SGCZ: variants seen among roughly 807,000 people sequenced by gnomAD.
SGCZ encodes the protein sarcoglycan zeta.
A neutral mutation model predicts 41.3 loss-of-function variants in SGCZ; 40 were observed. The ratio of observed to expected loss-of-function variants is 0.97; its 90% CI spans 0.75 to 1.26. The LOEUF is 1.26. SGCZ is among the 50% of genes most tolerant of loss of function. The pLI, the probability that SGCZ is intolerant of heterozygous loss-of-function variation, is 0.00. For synonymous variants in SGCZ, 206 were observed against 137.5 expected (o/e 1.50, Z -3.49); for missense variants, 552 against 369.8 (o/e 1.49, Z -4.04).
intron 1 of SGCZ, among the ~76,000 whole-genome samples, chr8:15,138,002 G>C (rs1482635642): frequency 6.6e-6 from 1 of 152,162 alleles, no homozygotes; most frequent in Non-Finnish European, 1.5e-5. Context: ...AGCAGTCCCG[G>C]AGGGGGACTG....
At chr8:14,573,939 C>T (rs898631332) in intron 1 of SGCZ, among the ~76,000 whole-genome samples, 1 of 152,070 alleles carries the variant, frequency 6.6e-6, no homozygotes, top group African/African-American at 2.4e-5. Context: ...AACTAGATGT[C>T]CTTAAGGAAA....
intron 5 of SGCZ, among the ~76,000 whole-genome samples, chr8:14,109,774 A>G (rs778751513): frequency 6.6e-6 from 1 of 152,210 alleles, no homozygotes; most frequent in Non-Finnish European, 1.5e-5. Context: ...GATCATGAAT[A>G]GAACAGGAAG....
chr8:14,511,216 T>C (rs1485896360), intron 2 of SGCZ, among the ~76,000 whole-genome samples: 1 of 9,082 alleles, frequency 1.1e-4, no homozygotes, highest in Non-Finnish European at 2.0e-4. Context: ...CTTTCTGTCT[T>C]GGCAGTCCCT....
At chr8:14,803,119 T>C (rs1215894690) in intron 1 of SGCZ, among the ~76,000 whole-genome samples, 1 of 152,174 alleles carries the variant, frequency 6.6e-6, no homozygotes, top group Non-Finnish European at 1.5e-5. Context: ...CCATGACATA[T>C]ATGTTAAGGG....
chr8:14,580,175 T>C (rs537762456), intron 1 of SGCZ, among the ~76,000 whole-genome samples: 24 of 152,210 alleles, frequency 1.6e-4, no homozygotes, highest in African/African-American at 5.8e-4. Flanking sequence ...AAAAGGCAAA[T>C]GCAGCCTAAG....
At chr8:14,240,514 A>C (rs140728222) in intron 3 of SGCZ, among the ~76,000 whole-genome samples, 31 of 151,718 alleles carry the variant, frequency 2.0e-4, no homozygotes, top group African/African-American at 7.3e-4. Context: ...TTAAAATTTT[A>C]TATCTAGATT....
chr8:14,837,985 C>T (rs890082167), intron 1 of SGCZ, among the ~76,000 whole-genome samples: 2 of 151,980 alleles, frequency 1.3e-5, no homozygotes, highest in African/African-American at 4.8e-5. Flanking sequence ...GTTAGATATA[C>T]ACAATGTAAT....
At chr8:14,149,079 A>T (rs1300615881) in intron 5 of SGCZ, among the ~76,000 whole-genome samples, 1 of 152,134 alleles carries the variant, frequency 6.6e-6, no homozygotes, top group Admixed American at 6.5e-5. Context: ...AGCTAGTATC[A>T]TAGTGAGTGG....
intron 1 of SGCZ, among the ~76,000 whole-genome samples, chr8:14,575,133 A>T (rs1804668531): frequency 6.6e-6 from 1 of 152,264 alleles, no homozygotes; most frequent in African/African-American, 2.4e-5. Context: ...TGTGTTCATT[A>T]GTGAAGACTG....
chr8:14,662,020 T>C (rs1032294134), intron 1 of SGCZ, among the ~76,000 whole-genome samples: 1 of 152,170 alleles, frequency 6.6e-6, no homozygotes, highest in Non-Finnish European at 1.5e-5. Context: ...AAAGATTTGC[T>C]AAAATTAACC....
chr8:14,430,573 C>A (rs1259557378), intron 2 of SGCZ, among the ~76,000 whole-genome samples: 2 of 152,074 alleles, frequency 1.3e-5, no homozygotes, highest in South Asian at 2.1e-4. Context: ...GTATAACAAA[C>A]CCACGGCCAA....
chr8:14,701,928 A>T (rs1809150937), intron 1 of SGCZ, among the ~76,000 whole-genome samples: 1 of 151,888 alleles, frequency 6.6e-6, no homozygotes, highest in South Asian at 2.1e-4. Flanking sequence ...ACAAACTAAT[A>T]AACCTCCCTT....
At chr8:14,202,104 GA>G (rs553670505) in intron 4 of SGCZ, among the ~76,000 whole-genome samples, 225 of 152,220 alleles carry the variant, frequency 1.5e-3, no homozygotes, top group Middle Eastern at 6.8e-3. Context: ...AAAATAGGGA[GA>G]ATATGCTGGA....
chr8:14,468,852 A>T (rs915144080), intron 2 of SGCZ, among the ~76,000 whole-genome samples: 1 of 152,106 alleles, frequency 6.6e-6, no homozygotes, highest in African/African-American at 2.4e-5. Flanking sequence ...CAAGCTGCCC[A>T]TCATCTAACA....
At chr8:14,360,033 C>G (rs528536873) in intron 2 of SGCZ, among the ~76,000 whole-genome samples, 2 of 152,160 alleles carry the variant, frequency 1.3e-5, no homozygotes, top group South Asian at 4.1e-4. Context: ...TCAGTTAATG[C>G]TGAAAAAGCA....
At chr8:14,589,753 C>G (rs561870764) in intron 1 of SGCZ, among the ~76,000 whole-genome samples, 40 of 152,248 alleles carry the variant, frequency 2.6e-4, no homozygotes, top group Admixed American at 2.6e-4. Flanking sequence ...ACACACAGCA[C>G]AAACTATTCT....
Position 14,846,930 on chromosome 8 carries a change from G to A in SGCZ, c.40-292004C>T, listed in dbSNP as rs141132564. Among the ~76,000 whole-genome samples, 1,218 of 151,994 alleles carry A rather than the reference G, an allele frequency of 8.0e-3. 18 individuals are homozygous for A. The highest frequency in any genetic ancestry group is 0.028 in the African/African-American group (1,159 of 41,458). On this transcript the variant is annotated intron_variant, in intron 1 of 7. Transcript: ENST00000382080. Reference sequence around the variant, plus strand: ...ACTAAAATACAAAAGAAATTAGCTGGGCGTGGTGGCACATGCCTGTAATCC... The same window carrying A: ...ACTAAAATACAAAAGAAATTAGCTGAGCGTGGTGGCACATGCCTGTAATCC...
At chr8:15,035,634 G>C (rs1803848167) in intron 1 of SGCZ, among the ~76,000 whole-genome samples, 1 of 151,968 alleles carries the variant, frequency 6.6e-6, no homozygotes, top group African/African-American at 2.4e-5. Context: ...ACAGACTAAA[G>C]TAAAGGCTGA....
chr8:14,576,852 G>T (rs1251806575), intron 1 of SGCZ, among the ~76,000 whole-genome samples: 1 of 152,200 alleles, frequency 6.6e-6, no homozygotes, highest in Non-Finnish European at 1.5e-5. Context: ...TTATAAGAGA[G>T]AATTGCAGTC....
Sources: allele counts gnomAD v4.1 joint callset (sites outside exome capture counted in the v4.1 genomes callset), GRCh38; gene constraint gnomAD v4.1.1; transcripts MANE v1.5; gene names NCBI Gene and HGNC (gene_info 2026-07-23, HGNC 2026-07-21).